SPAST: variants seen among roughly 807,000 people sequenced by gnomAD.
The protein encoded by SPAST is spastic paraplegia 4 (autosomal dominant; spastin).
Under a neutral mutation model 76.6 loss-of-function variants are expected in SPAST, and 30 were observed. That is an observed-to-expected ratio of 0.39 (90% CI 0.29 to 0.53). SPAST has a LOEUF of 0.53. Among genes scored for constraint, SPAST ranks in the 20% least tolerant of loss-of-function variants. The pLI is 0.68. For synonymous variants in SPAST, 305 were observed against 281.0 expected (o/e 1.09, Z -0.86); for missense variants, 717 against 770.5 (o/e 0.93, Z 0.82).
chr2:32,067,995 T>C (rs1199740458), intron 1 of SPAST, among the ~76,000 whole-genome samples: 1 of 151,476 alleles, frequency 6.6e-6, no homozygotes, highest in Admixed American at 6.6e-5. Context: ...TTTTTTTTTT[T>C]TGAGACAGAG....
chr2:32,128,508 A>T, intron 9 of SPAST, 29 bp downstream of exon 9: 1 of 1,407,710 alleles, frequency 7.1e-7, no homozygotes, highest in Non-Finnish European at 1.0e-6. Flanking sequence ...ATATTGTCGT[A>T]TTTTAAGTTA....
At position 32,063,752 on chromosome 2, in the gene SPAST, AGCAGTGGCTGCCGCCG is replaced by A. The variant is rs1429803140; in HGVS notation, c.-79_-64del. ...CACGGGGGTCTGTGGCCCCCGCCGT[AGCAGTGGCTGCCGCCG>A]TCGCTTGGTTCCCGTCGGTCTGCGG... is the stretch of plus-strand genomic sequence containing the variant. On this transcript the variant is annotated 5_prime_UTR_variant, in exon 1 of 17. Coordinates refer to ENST00000315285, the MANE Select transcript of SPAST (RefSeq NM_014946.4). The A allele has an allele frequency of 4.0e-6, 6 of 1,518,326 alleles. No individual in the cohort carries two copies. The highest frequency in any genetic ancestry group is 5.3e-6 in the Non-Finnish European group (6 of 1,137,482). 94.1% of individuals were successfully genotyped at this position (1,518,326 alleles called of 1,614,324 possible).
rs770388772 is a variant in SPAST at position 32,136,629 on chromosome 2, A to G, written c.1312A>G (p.Ile438Val). Reference sequence around the variant, plus strand: ...GGCTCGAGAACTTCAACCTTCTATAATTTTTATAGGTAAGAACATATTTTC... The same window carrying G: ...GGCTCGAGAACTTCAACCTTCTATAGTTTTTATAGGTAAGAACATATTTTC... ...AVARELQPSI[I>V]FIDEVDSLLC... Residue 438 changes from isoleucine (I) to valine (V), a missense_variant, in exon 10 of 17, where the codon ATT (isoleucine) becomes GTT (valine). By Grantham distance (29) the Ile-to-Val change is conservative. Around this residue, in one of 3 missense-constraint regions of SPAST, gnomAD observed 78 missense variants for 197.6 expected, o/e 0.39. Coordinates refer to ENST00000315285, the MANE Select transcript of SPAST (RefSeq NM_014946.4). The G allele has an allele frequency of 6.2e-7, 1 of 1,611,782 alleles. No homozygotes were observed. Among genetic ancestry groups the G allele is most frequent in the Non-Finnish European group, 8.5e-7 (1 of 1,178,014 alleles).
intron 1 of SPAST, among the ~76,000 whole-genome samples, chr2:32,066,335 C>A (rs895486884): frequency 6.6e-6 from 1 of 152,098 alleles, no homozygotes; most frequent in Admixed American, 6.6e-5. Flanking sequence ...AGAATTAAAA[C>A]GGTTGCAAAG....
chr2:32,065,841 TAAGGA>T (rs1676487705), intron 1 of SPAST, among the ~76,000 whole-genome samples: 1 of 152,128 alleles, frequency 6.6e-6, no homozygotes, highest in Admixed American at 6.6e-5. Context: ...AAGTGGGATA[TAAGGA>T]AAGAGGCAGT....
chr2:32,103,719 T>C lies in SPAST; in HGVS notation c.682+4828T>C, dbSNP rs533308802. ...ATCTTTATTTCTGCCTTCATTTTCT[T>C]ATATACCCAGTAGTCATTCAGGAGC... On this transcript the variant is annotated intron_variant, in intron 4 of 16. Transcript: ENST00000315285. Among the ~76,000 whole-genome samples the C allele has an allele frequency of 4.6e-5, 7 of 152,348 alleles. No homozygotes were observed. The South Asian group carries it at 1.5e-3, about 32-fold the overall frequency.
At chr2:32,093,278 T>C (rs2148713358) in intron 3 of SPAST, among the ~76,000 whole-genome samples, 1 of 124,338 alleles carries the variant, frequency 8.0e-6, no homozygotes, top group Non-Finnish European at 1.6e-5. Context: ...GCCACTGCAC[T>C]CCAGCCTGGG....
chr2:32,098,743 A>T, intron 3 of SPAST, 53 bp from the exon 4 acceptor site: 2 of 1,174,032 alleles, frequency 1.7e-6, no homozygotes, highest in East Asian at 2.3e-5. Flanking sequence ...TTTGTTCATT[A>T]TCTTTTTTCT....
intron 4 of SPAST, among the ~76,000 whole-genome samples, chr2:32,106,482 G>C (rs1180777697): frequency 6.6e-6 from 1 of 152,206 alleles, no homozygotes. Context: ...TCCCCAGTGA[G>C]ATGAACCCAG....
chr2:32,143,917 T>C lies in SPAST; in HGVS notation c.1616+502T>C, dbSNP rs568646946. On this transcript the variant is annotated intron_variant, in intron 14 of 16. Coordinates refer to ENST00000315285, the MANE Select transcript of SPAST (RefSeq NM_014946.4). ...TTGCACACTAACACAGATATTTTTA[T>C]ATAAACTTGTTCTTGGCATATGCTG... 5.9e-5 allele frequency among the ~76,000 whole-genome samples: 9 copies of C among 152,308 alleles called. No homozygotes were observed. In the South Asian group the frequency reaches 1.9e-3, roughly 32 times the overall value.
intron 3 of SPAST, among the ~76,000 whole-genome samples, 154 bp downstream of exon 3, chr2:32,089,759 A>G (rs1183174240): frequency 6.6e-6 from 1 of 152,092 alleles, no homozygotes; most frequent in Admixed American, 6.6e-5. Context: ...ACAGAAGAGC[A>G]TAATGGACTT....
chr2:32,143,353 TA>T lies in SPAST; in HGVS notation c.1559del (p.Asn520IlefsTer10). 6.3e-7 allele frequency: 1 copy of T among 1,597,388 alleles called. No homozygotes were observed. Among genetic ancestry groups the T allele is most frequent in the Non-Finnish European group, 8.6e-7 (1 of 1,165,624 alleles). ...TTTTTCAGACAAGACTACTTTTGCT[TA>T]AAAATCTGTTATGTAAACAAGGAAG... ...PNEETRLLLL[K>X]NLLCKQGSPL... is the part of the protein sequence containing the mutation. On this transcript the variant is annotated frameshift_variant, in exon 14 of 17. Coordinates refer to ENST00000315285, the MANE Select transcript of SPAST (RefSeq NM_014946.4). LOFTEE classifies it high-confidence loss of function.
At chr2:32,111,413 T>C (rs544618792) in intron 4 of SPAST, among the ~76,000 whole-genome samples, 1 of 149,304 alleles carries the variant, frequency 6.7e-6, no homozygotes, top group Non-Finnish European at 1.5e-5. Context: ...TATAGTATAC[T>C]GTATAGTGTA....
intron 1 of SPAST, among the ~76,000 whole-genome samples, chr2:32,072,176 G>A (rs1676777275): frequency 6.6e-6 from 1 of 151,562 alleles, no homozygotes; most frequent in African/African-American, 2.4e-5. Context: ...CTGAGTAGCT[G>A]GGACTACAGG....
At chr2:32,070,775 A>G (rs897828429) in intron 1 of SPAST, among the ~76,000 whole-genome samples, 1 of 152,240 alleles carries the variant, frequency 6.6e-6, no homozygotes, top group Non-Finnish European at 1.5e-5. Context: ...GTCTACAGAC[A>G]TATACCACCA....
intron 12 of SPAST, among the ~76,000 whole-genome samples, chr2:32,140,829 C>A (rs1398405007): frequency 6.6e-6 from 1 of 151,524 alleles, no homozygotes; most frequent in Non-Finnish European, 1.5e-5. Context: ...GATACTTGGT[C>A]ATAATTTTAG....
At chr2:32,084,822 G>A (rs1328668483) in intron 1 of SPAST, among the ~76,000 whole-genome samples, 1 of 147,150 alleles carries the variant, frequency 6.8e-6, no homozygotes, top group Non-Finnish European at 1.5e-5. Context: ...GGGAAATGGA[G>A]GTTGTAGTGA....
At chr2:32,101,078 C>T (rs71446044) in intron 4 of SPAST, among the ~76,000 whole-genome samples, 14,937 of 152,220 alleles carry the variant, frequency 0.098, 797 homozygotes, top group Middle Eastern at 0.2. Flanking sequence ...TTCCCATCAA[C>T]AGTGTAAAAG....
At chr2:32,135,172 C>G (rs750622245) in intron 9 of SPAST, among the ~76,000 whole-genome samples, 1 of 151,282 alleles carries the variant, frequency 6.6e-6, no homozygotes, top group African/African-American at 2.4e-5. Flanking sequence ...CTCTGTCGCC[C>G]GGGCTGGAGT....
Sources: gnomAD v4.1 joint callset for allele counts (sites outside exome capture counted in the v4.1 genomes callset) on GRCh38, gnomAD v4.1.1 for gene constraint, gnomAD v4.1.1 regional missense constraint, MANE v1.5 for transcripts, NCBI Gene and HGNC (gene_info 2026-07-23, HGNC 2026-07-21) for gene names.